ZNF536: variants seen among roughly 807,000 people sequenced by gnomAD.
ZNF536 encodes the protein zinc finger protein 536.
In ZNF536, 13 loss-of-function variants were observed where a neutral mutation model predicts 84.5. That is an observed-to-expected ratio of 0.15 (90% CI 0.10 to 0.24). The LOEUF is 0.24. Among genes scored for constraint, ZNF536 ranks in the 10% least tolerant of loss-of-function variants. ZNF536 has a pLI of 1.00. For missense variants in ZNF536, 1,536 were observed against 1,747.5 expected (o/e 0.88, Z 2.16); for synonymous variants, 811 against 742.5 (o/e 1.09, Z -1.50).
chr19:30,437,291 T>C (rs888530299), intron 1 of ZNF536, among the ~76,000 whole-genome samples: 1 of 152,186 alleles, frequency 6.6e-6, no homozygotes, highest in Non-Finnish European at 1.5e-5. Context: ...AGGTTCTCTA[T>C]TGGAAGAGTT....
intron 1 of ZNF536, among the ~76,000 whole-genome samples, chr19:30,257,146 C>T (rs772490735): frequency 3.9e-5 from 6 of 152,296 alleles, no homozygotes; most frequent in East Asian, 1.9e-4. Context: ...ACACTCCTGG[C>T]GCCTATTCAT....
chr19:30,502,799 G>C (rs1238011727), intron 2 of ZNF536, among the ~76,000 whole-genome samples: 2 of 152,262 alleles, frequency 1.3e-5, no homozygotes, highest in East Asian at 3.9e-4. Flanking sequence ...CTGAGCCACG[G>C]GAAAGAGCTT....
At chr19:30,238,154 A>G (rs1403643607) in intron 1 of ZNF536, among the ~76,000 whole-genome samples, 1 of 152,196 alleles carries the variant, frequency 6.6e-6, no homozygotes, top group Admixed American at 6.5e-5. Flanking sequence ...TGTGTAATAC[A>G]TGTTGTTGAA....
intron 2 of ZNF536, among the ~76,000 whole-genome samples, chr19:30,492,767 C>A (rs1216716754): frequency 6.6e-6 from 1 of 152,274 alleles, no homozygotes; most frequent in East Asian, 1.9e-4. Flanking sequence ...TAGGTAAATC[C>A]TTTAAATGCG....
chr19:30,606,026 C>G, intron 1 of ZNF536, among the ~76,000 whole-genome samples: 1 of 151,828 alleles, frequency 6.6e-6, no homozygotes, highest in East Asian at 1.9e-4. Flanking sequence ...AGGCCATGTC[C>G]AGGTCACCAG....
At chr19:30,587,923 TA>T (rs1195544029) in intron 1 of ZNF536, among the ~76,000 whole-genome samples, 2 of 152,236 alleles carry the variant, frequency 1.3e-5, no homozygotes, top group African/African-American at 4.8e-5. Flanking sequence ...ATTGGTGCAT[TA>T]AAAAGGCACT....
At chr19:30,293,635 G>A (rs1438957688) in intron 2 of ZNF536, among the ~76,000 whole-genome samples, 2 of 152,226 alleles carry the variant, frequency 1.3e-5, no homozygotes, top group African/African-American at 4.8e-5. Context: ...GCCTGGCAGA[G>A]CTGGACTCTT....
intron 2 of ZNF536, among the ~76,000 whole-genome samples, chr19:30,344,919 A>G (rs922764087): frequency 3.3e-5 from 5 of 152,184 alleles, no homozygotes; most frequent in Admixed American, 2.6e-4. Context: ...TGAATGGCAC[A>G]TGAGTCAGCC....
At chr19:30,252,461 T>A (rs1194393990) in intron 1 of ZNF536, among the ~76,000 whole-genome samples, 1 of 152,160 alleles carries the variant, frequency 6.6e-6, no homozygotes, top group Non-Finnish European at 1.5e-5. Flanking sequence ...TACCCTGGGA[T>A]GAGGCAGGAG....
intron 1 of ZNF536, among the ~76,000 whole-genome samples, chr19:30,667,920 C>T (rs928220197): frequency 7.2e-5 from 11 of 152,120 alleles, no homozygotes; most frequent in East Asian, 1.9e-4. Context: ...GATGGGGAAA[C>T]GCAGGCTCAG....
intron 1 of ZNF536, among the ~76,000 whole-genome samples, chr19:30,271,292 T>TTG (rs1644677218): frequency 7.9e-6 from 1 of 127,108 alleles, no homozygotes; most frequent in East Asian, 2.4e-4. Context: ...CTGTGTTTTT[T>TTG]TCTTTTCTTT....
At chr19:30,346,818 C>A (rs754175165) in intron 2 of ZNF536, among the ~76,000 whole-genome samples, 35 of 152,136 alleles carry the variant, frequency 2.3e-4, no homozygotes, top group Admixed American at 1.6e-3. Flanking sequence ...GCATACATGT[C>A]TCTCTTTATA....
intron 2 of ZNF536, among the ~76,000 whole-genome samples, chr19:30,477,055 C>G (rs972989759): frequency 1.3e-5 from 2 of 152,124 alleles, no homozygotes; most frequent in Admixed American, 1.3e-4. Flanking sequence ...TCCCAAACTA[C>G]TGGGATTACA....
chr19:30,680,077 C>T (rs2147811738), intron 1 of ZNF536, among the ~76,000 whole-genome samples: 1 of 152,042 alleles, frequency 6.6e-6, no homozygotes, highest in East Asian at 1.9e-4. Context: ...AAAGAGGGGT[C>T]AGGCTGAGTG....
chr19:30,548,521 T>A lies in ZNF536; in HGVS notation c.2902T>A (p.Ser968Thr), dbSNP rs1169529647. 1.2e-6 allele frequency: 2 copies of A among 1,614,032 alleles called. No homozygotes were observed. The highest frequency in any genetic ancestry group is 1.7e-6 in the Non-Finnish European group (2 of 1,180,046). The change falls in exon 4 of 5, where the codon TCC (serine) becomes ACC (threonine). Residue 968 changes from serine (S) to threonine (T), a missense_variant. This residue lies in a region of ZNF536 where 624 missense variants were observed against 603.1 expected (regional missense o/e 1.03). Transcript: ENST00000355537. ...CAGTGGCAAGTCCTCCCAGAGGAAG[T>A]CCGAGAAATCTCAGTATGAACCCCT... ...KPSGKSSQRK[S>T]EKSQYEPLDL... is the part of the protein sequence containing the mutation.
chr19:30,706,145 G>T (rs1270679453), intron 1 of ZNF536, among the ~76,000 whole-genome samples: 1 of 152,170 alleles, frequency 6.6e-6, no homozygotes, highest in African/African-American at 2.4e-5. Context: ...TGTAGCATAG[G>T]ATTCATACGT....
chr19:30,357,297 C>A (rs1336639032), intron 3 of ZNF536, among the ~76,000 whole-genome samples: 1 of 152,118 alleles, frequency 6.6e-6, no homozygotes, highest in Non-Finnish European at 1.5e-5. Context: ...AGCATTGGAG[C>A]AGAAAGAACA....
At chr19:30,504,870 G>A (rs542219514) in intron 2 of ZNF536, among the ~76,000 whole-genome samples, 43 of 152,126 alleles carry the variant, frequency 2.8e-4, no homozygotes, top group African/African-American at 8.2e-4. Flanking sequence ...TATATGATCC[G>A]CAAAATAAGA....
intron 1 of ZNF536, among the ~76,000 whole-genome samples, chr19:30,575,820 C>T (rs11669398): frequency 0.045 from 6,876 of 152,226 alleles, 217 homozygotes; most frequent in African/African-American, 0.093. Context: ...GGATGTGGGG[C>T]GCACACTTGG....
Sources: allele counts gnomAD v4.1 joint callset (sites outside exome capture counted in the v4.1 genomes callset), GRCh38; gene constraint gnomAD v4.1.1; regional missense constraint gnomAD v4.1.1; transcripts MANE v1.5; gene names NCBI Gene and HGNC (gene_info 2026-07-23, HGNC 2026-07-21).